The following TSHZ2 variants were observed in gnomAD, a reference collection of about 807,000 sequenced individuals.
TSHZ2 encodes teashirt homolog 2.
Under a neutral mutation model 74.4 loss-of-function variants are expected in TSHZ2, and 21 were observed. The observed-to-expected ratio is 0.28, with a 90% CI of 0.20 to 0.41. The LOEUF (loss-of-function observed/expected upper bound fraction) is 0.41, where lower values mean the gene tolerates loss of function less well. Among genes scored for constraint, TSHZ2 ranks in the 10% least tolerant of loss-of-function variants. The pLI is 1.00. For missense variants in TSHZ2, 1,244 were observed against 1,293.5 expected, an observed-to-expected ratio of 0.96 and a Z score of 0.59; for synonymous variants, 540 against 515.3, an observed-to-expected ratio of 1.05 and a Z score of -0.65.
chr20:53,005,316 GTAAA>G (rs34102349), intron 1 of TSHZ2, among the ~76,000 whole-genome samples: 12 of 151,950 alleles, frequency 7.9e-5, no homozygotes, highest in African/African-American at 1.2e-4. Flanking sequence ...TGTCTCAAAA[GTAAA>G]TAAATAAATA....
intron 1 of TSHZ2, among the ~76,000 whole-genome samples, chr20:52,977,030 A>G (rs955125033): frequency 2.0e-5 from 3 of 152,218 alleles, no homozygotes; most frequent in Admixed American, 6.5e-5. Flanking sequence ...AAAAGTTGCA[A>G]TTTGCACCTT....
chr20:53,287,201 A>G (rs1991184514), intron 2 of TSHZ2, among the ~76,000 whole-genome samples: 1 of 152,220 alleles, frequency 6.6e-6, no homozygotes, highest in African/African-American at 2.4e-5. Context: ...AGACAAAAAT[A>G]GACATAATAA....
At position 53,181,670 on chromosome 20, in the gene TSHZ2, C is replaced by T. The variant is rs145640869; in HGVS notation, c.41-71829C>T. ...TTGGGAGGCCGAGGCGGGCAGATCA[C>T]GAGGTCAGGAGATTGAGACCATCCT... On this transcript the variant is annotated intron_variant, in intron 1 of 2. Coordinates refer to ENST00000371497, the MANE Select transcript of TSHZ2 (RefSeq NM_173485.6). 5.8e-3 allele frequency among the ~76,000 whole-genome samples: 879 copies of T among 152,210 alleles called. 8 individuals are homozygous for T. The highest frequency in any genetic ancestry group is 0.02 in the African/African-American group (812 of 41,528).
Position 53,079,489 on chromosome 20 carries a change from G to T in TSHZ2, c.40+106156G>T, listed in dbSNP as rs115807185. 3.7e-3 allele frequency among the ~76,000 whole-genome samples: 564 copies of T among 152,244 alleles called. 1 individual carries two copies. The highest frequency in any genetic ancestry group is 0.012 in the African/African-American group (503 of 41,544). The stretch of plus-strand genomic sequence containing the variant: ...GCTGCTATGTTTAAGGCATCTTAGC[G>T]CTACAGAGACAGAATAATCCTGTGT... On this transcript the variant is annotated intron_variant, in intron 1 of 2. Coordinates refer to ENST00000371497, the MANE Select transcript of TSHZ2 (RefSeq NM_173485.6).
At chr20:53,088,769 G>A (rs1409867175) in intron 1 of TSHZ2, among the ~76,000 whole-genome samples, 1 of 152,108 alleles carries the variant, frequency 6.6e-6, no homozygotes, top group Non-Finnish European at 1.5e-5. Context: ...GTCTGAGAAA[G>A]AGAGTGCTTT....
intron 2 of TSHZ2, among the ~76,000 whole-genome samples, chr20:53,430,255 C>G (rs761927404): frequency 1.3e-5 from 2 of 151,740 alleles, no homozygotes; most frequent in Non-Finnish European, 2.9e-5. Flanking sequence ...CAGGCTCCCT[C>G]CAACACACCC....
chr20:53,298,345 G>A lies in TSHZ2; in HGVS notation c.*8+41774G>A, dbSNP rs1443743369. On this transcript the variant is annotated intron_variant, in intron 2 of 2. Transcript: ENST00000371497. ...GCAGTGTGAAAGGATACAAACCATC[G>A]CACTGGGTCTGAGAACAGTGAGAGA... Among the ~76,000 whole-genome samples the A allele has an allele frequency of 3.3e-5, 5 of 152,296 alleles. No homozygotes were observed. The East Asian group carries it at 5.8e-4, about 18-fold the overall frequency.
At chr20:53,368,652 G>A (rs1174598980) in intron 2 of TSHZ2, among the ~76,000 whole-genome samples, 6 of 152,070 alleles carry the variant, frequency 3.9e-5, no homozygotes, top group Admixed American at 1.3e-4. Context: ...CAAGGATGAC[G>A]CCATAAACTG....
chr20:53,211,034 C>G (rs1470437644), intron 1 of TSHZ2, among the ~76,000 whole-genome samples: 1 of 152,098 alleles, frequency 6.6e-6, no homozygotes. Flanking sequence ...GAGAATCCAT[C>G]TGGACATAAT....
At chr20:53,391,232 C>G (rs532368832) in intron 2 of TSHZ2, among the ~76,000 whole-genome samples, 1 of 152,092 alleles carries the variant, frequency 6.6e-6, no homozygotes, top group Non-Finnish European at 1.5e-5. Flanking sequence ...CTGCAAGCTC[C>G]GCCTCCTGGG....
chr20:53,211,109 ACT>A (rs1981954734), intron 1 of TSHZ2, among the ~76,000 whole-genome samples: 3 of 152,144 alleles, frequency 2.0e-5, no homozygotes, highest in Admixed American at 6.6e-5. Flanking sequence ...TGTATGCCAG[ACT>A]CTTCTAAGCA....
At chr20:53,148,792 G>A (rs1236159022) in intron 1 of TSHZ2, among the ~76,000 whole-genome samples, 1 of 152,058 alleles carries the variant, frequency 6.6e-6, no homozygotes, top group Non-Finnish European at 1.5e-5. Flanking sequence ...AATCCCTTGG[G>A]GGTTATTGGA....
chr20:53,354,006 A>T (rs1202110291), intron 2 of TSHZ2, among the ~76,000 whole-genome samples: 1 of 152,178 alleles, frequency 6.6e-6, no homozygotes, highest in East Asian at 1.9e-4. Flanking sequence ...ATCAGAGAAG[A>T]CCAGGGACTG....
At chr20:53,025,326 T>C (rs955642261) in intron 1 of TSHZ2, among the ~76,000 whole-genome samples, 1 of 152,346 alleles carries the variant, frequency 6.6e-6, no homozygotes, top group South Asian at 2.1e-4. Context: ...CTTCATCATA[T>C]ATTGATTCAA....
At chr20:53,379,737 G>A (rs999940118) in intron 2 of TSHZ2, among the ~76,000 whole-genome samples, 5 of 152,166 alleles carry the variant, frequency 3.3e-5, no homozygotes, top group Middle Eastern at 3.4e-3. Flanking sequence ...GACACCATGG[G>A]GAGAAAAGTC....
At chr20:53,182,783 TTCTC>T (rs1020251194) in intron 1 of TSHZ2, among the ~76,000 whole-genome samples, 2 of 152,180 alleles carry the variant, frequency 1.3e-5, no homozygotes, top group Non-Finnish European at 2.9e-5. Context: ...CTGTAATTCA[TTCTC>T]TCTCTGTGTG....
chr20:53,209,497 C>A (rs1028477180), intron 1 of TSHZ2, among the ~76,000 whole-genome samples: 1 of 152,142 alleles, frequency 6.6e-6, no homozygotes, highest in African/African-American at 2.4e-5. Context: ...GCAATGAAAT[C>A]ATGAAAGGCA....
chr20:53,440,229 G>T (rs1361721311), intron 2 of TSHZ2, among the ~76,000 whole-genome samples: 1 of 152,190 alleles, frequency 6.6e-6, no homozygotes, highest in African/African-American at 2.4e-5. Context: ...AAGCGAGTTT[G>T]GTGGTTGCGG....
chr20:53,245,131 G>A (rs1990171410), intron 1 of TSHZ2, among the ~76,000 whole-genome samples: 1 of 152,180 alleles, frequency 6.6e-6, no homozygotes, highest in Non-Finnish European at 1.5e-5. Flanking sequence ...CATTCTTGGT[G>A]TTTCACATAC....
Sources: gnomAD v4.1 joint callset for allele counts (sites outside exome capture counted in the v4.1 genomes callset) on GRCh38, gnomAD v4.1.1 for gene constraint, MANE v1.5 for transcripts, NCBI Gene and HGNC (gene_info 2026-07-23, HGNC 2026-07-21) for gene names.